Variants in SMAD2 observed in about 807,000 individuals in gnomAD.
SMAD2 encodes the protein SMAD family member 2, also known as MAD homolog 2.
A neutral mutation model predicts 64.4 loss-of-function variants in SMAD2; 8 were observed. The ratio of observed to expected loss-of-function variants is 0.12; its 90% CI spans 0.07 to 0.22. The LOEUF (loss-of-function observed/expected upper bound fraction) is 0.22. Ranked by LOEUF, SMAD2 falls within the 10% of genes least tolerant of loss-of-function variation. The probability of loss-of-function intolerance (pLI) is 1.00; values close to 1 mark genes in which losing one functional copy is unlikely to be tolerated. For missense variants in SMAD2, 289 were observed against 561.2 expected (o/e 0.51, Z 4.90); for synonymous variants, 203 against 195.8 (o/e 1.04, Z -0.31).
rs112878300 is a variant in SMAD2 at position 47,886,578 on chromosome 18, T to C, written c.236+9943A>G. On this transcript the variant is annotated intron_variant, in intron 2 of 10. Transcript: ENST00000262160. The stretch of plus-strand genomic sequence containing the variant: ...CTATATCTATATCTATCCATCTATC[T>C]ATCTATCTATCTATCTATCTATCTA... Among the ~76,000 whole-genome samples the C allele has an allele frequency of 1.6e-3, 204 of 124,074 alleles. 1 individual carries two copies. The highest frequency in any genetic ancestry group is 6.6e-3 in the African/African-American group (186 of 28,224). The allele number at this position is 124,074 out of a possible 152,430, so 81.4% of individuals were successfully genotyped here.
At chr18:47,880,857 G>A (rs576032962) in intron 2 of SMAD2, among the ~76,000 whole-genome samples, 9 of 152,298 alleles carry the variant, frequency 5.9e-5, no homozygotes, top group Admixed American at 1.3e-4. Context: ...TTATCTGGCT[G>A]TACTGTCTAC....
At chr18:47,860,859 A>C (rs990275907) in intron 6 of SMAD2, among the ~76,000 whole-genome samples, 1 of 152,268 alleles carries the variant, frequency 6.6e-6, no homozygotes, top group South Asian at 2.1e-4. Flanking sequence ...GAACATTAAG[A>C]ACAAAAAGGA....
chr18:47,837,465 G>A lies in SMAD2; in HGVS notation c.*4362C>T, dbSNP rs1471341465. 4.8e-6 allele frequency: 1 copy of A among 208,548 alleles called. No individual in the cohort carries two copies. Among genetic ancestry groups the A allele is most frequent in the Non-Finnish European group, 9.7e-6 (1 of 102,978 alleles). The allele number at this position is 208,548 out of a possible 1,614,324, so 12.9% of individuals were successfully genotyped here. A position where few individuals can be genotyped will look rare whatever the true frequency, so the allele number is the denominator to read the frequency against. ...TAGTCCCAGCTACTTGGGAGGCTGA[G>A]GCAGAAGCATGGCGTGAACCCGGGA... On this transcript the variant is annotated 3_prime_UTR_variant, in exon 11 of 11. Transcript: ENST00000262160.
At position 47,840,353 on chromosome 18, in the gene SMAD2, C is replaced by CA. The variant is rs1888717204; in HGVS notation, c.*1473dup. On this transcript the variant is annotated 3_prime_UTR_variant, in exon 11 of 11. Coordinates refer to ENST00000262160, the MANE Select transcript of SMAD2 (RefSeq NM_005901.6). Reference sequence around the variant, plus strand: ...AAGAAATGTTTAAACTGCAATGAGTCAACATCAGACATAATAATTATTTGC... The same window carrying CA: ...AAGAAATGTTTAAACTGCAATGAGTCAAACATCAGACATAATAATTATTTGC... 4.3e-6 allele frequency: 1 copy of CA among 232,734 alleles called. No homozygotes were observed. The highest frequency in any genetic ancestry group is 2.2e-5 in the African/African-American group (1 of 45,324). The allele number at this position is 232,734 out of a possible 1,614,324, so 14.4% of individuals were successfully genotyped here. A position where few individuals can be genotyped will look rare whatever the true frequency, so the allele number is the denominator to read the frequency against.
chr18:47,919,159 G>C (rs2034454396), intron 1 of SMAD2, among the ~76,000 whole-genome samples: 1 of 152,068 alleles, frequency 6.6e-6, no homozygotes, highest in African/African-American at 2.4e-5. Flanking sequence ...TGTAAACAAA[G>C]TCAAGAGAGC....
chr18:47,873,281 C>A (rs1044503318), intron 2 of SMAD2, among the ~76,000 whole-genome samples: 7 of 151,904 alleles, frequency 4.6e-5, no homozygotes, highest in Non-Finnish European at 2.9e-5. Context: ...TCAAACTATA[C>A]AAAGAAACAT....
chr18:47,865,385 T>C (rs894668943), intron 5 of SMAD2, among the ~76,000 whole-genome samples: 2 of 152,220 alleles, frequency 1.3e-5, no homozygotes, highest in African/African-American at 4.8e-5. Flanking sequence ...ATCTTGCTCA[T>C]TCCTATATGT....
At chr18:47,857,018 C>T (rs1382960412) in intron 6 of SMAD2, among the ~76,000 whole-genome samples, 5 of 151,816 alleles carry the variant, frequency 3.3e-5, no homozygotes, top group African/African-American at 7.2e-5. Context: ...CCACTACGCC[C>T]GGCTAATTTT....
Position 47,838,859 on chromosome 18 carries a change from G to A in SMAD2, c.*2968C>T, listed in dbSNP as rs1465512189. Reference sequence around the variant, plus strand: ...TCTTAGAAATGTGATAGAAAGCATGGCCATTCGGTTCTCAGGTCATCATTC... The same window carrying A: ...TCTTAGAAATGTGATAGAAAGCATGACCATTCGGTTCTCAGGTCATCATTC... On this transcript the variant is annotated 3_prime_UTR_variant, in exon 11 of 11. Coordinates refer to ENST00000262160, the MANE Select transcript of SMAD2 (RefSeq NM_005901.6). 2 of 232,766 alleles carry A rather than the reference G, an allele frequency of 8.6e-6. No individual in the cohort carries two copies. The highest frequency in any genetic ancestry group is 1.7e-5 in the Non-Finnish European group (2 of 117,812). 14.4% of individuals were successfully genotyped at this position (232,766 alleles called of 1,614,324 possible).
In SMAD2 at chr18:47,836,742, G is replaced by A. The variant is rs756783789; in HGVS notation, c.*5085C>T. 5.5e-5 allele frequency: 12 copies of A among 218,938 alleles called. No individual in the cohort carries two copies. The highest frequency in any genetic ancestry group is 6.8e-5 in the African/African-American group (3 of 44,184). 13.6% of individuals were successfully genotyped at this position (218,938 alleles called of 1,614,324 possible). On this transcript the variant is annotated 3_prime_UTR_variant, in exon 11 of 11. Coordinates refer to ENST00000262160, the MANE Select transcript of SMAD2 (RefSeq NM_005901.6). ...TACTCAAAAAATTACATGAACACAC[G>A]AGATAAGTTCTTATCGTAAATGCTA...
chr18:47,813,636 G>A lies in SMAD2; in HGVS notation c.*28191C>T, dbSNP rs1461490619. The A allele has an allele frequency of 1.3e-5, 2 of 150,318 alleles. No individual in the cohort carries two copies. Among genetic ancestry groups the A allele is most frequent in the Admixed American group, 6.7e-5 (1 of 14,960 alleles). 9.3% of individuals were successfully genotyped at this position (150,318 alleles called of 1,614,324 possible). On this transcript the variant is annotated 3_prime_UTR_variant, in exon 11 of 11. Coordinates refer to ENST00000262160, the MANE Select transcript of SMAD2 (RefSeq NM_005901.6). ...TTGGCCAGACTGGTCTCAAACTCGT[G>A]ACCTCATGATCCACCTGCCTCGGCC... is the stretch of plus-strand genomic sequence containing the variant.
intron 2 of SMAD2, among the ~76,000 whole-genome samples, chr18:47,888,191 A>G (rs879493576): frequency 1.3e-5 from 2 of 152,152 alleles, no homozygotes; most frequent in Non-Finnish European, 2.9e-5. Context: ...CTAGAGGGGA[A>G]AAAAGGGAAA....
In SMAD2 at chr18:47,819,795, CAA is replaced by C. The variant is rs764594290; in HGVS notation, c.*22030_*22031del. The stretch of plus-strand genomic sequence containing the variant: ...TGGGTGACAGAGCGAGACTCCGTCT[CAA>C]AAAAAAAAAAAAAAAAAAGAATTGG... On this transcript the variant is annotated 3_prime_UTR_variant, in exon 11 of 11. Transcript: ENST00000262160. 158 of 97,158 alleles carry C rather than the reference CAA, an allele frequency of 1.6e-3. 1 individual carries two copies. Among genetic ancestry groups the C allele is most frequent in the Middle Eastern group, 7.9e-3 (1 of 126 alleles). 6.0% of individuals were successfully genotyped at this position (97,158 alleles called of 1,614,324 possible). A position where few individuals can be genotyped will look rare whatever the true frequency, so the allele number is the denominator to read the frequency against.
At chr18:47,855,078 T>G (rs951217737) in intron 6 of SMAD2, among the ~76,000 whole-genome samples, 1 of 152,218 alleles carries the variant, frequency 6.6e-6, no homozygotes, top group Non-Finnish European at 1.5e-5. Context: ...TTCTCCAGAA[T>G]GTCATATATA....
intron 6 of SMAD2, among the ~76,000 whole-genome samples, chr18:47,853,960 C>T (rs1256437797): frequency 1.3e-5 from 2 of 152,090 alleles, no homozygotes; most frequent in Non-Finnish European, 2.9e-5. Context: ...CTATTAAATA[C>T]TTAGAAATGA....
chr18:47,854,235 T>C (rs2030443486), intron 6 of SMAD2, among the ~76,000 whole-genome samples: 1 of 152,192 alleles, frequency 6.6e-6, no homozygotes, highest in Non-Finnish European at 1.5e-5. Flanking sequence ...GAATTAGCAG[T>C]GTCTACTTAC....
intron 2 of SMAD2, among the ~76,000 whole-genome samples, chr18:47,871,859 A>C (rs1244746798): frequency 7.0e-6 from 1 of 143,222 alleles, no homozygotes; most frequent in Non-Finnish European, 1.5e-5. Context: ...ATCACAACAG[A>C]ATCACCTCAA....
chr18:47,926,467 G>GT (rs1200414374), intron 1 of SMAD2, among the ~76,000 whole-genome samples: 1 of 152,096 alleles, frequency 6.6e-6, no homozygotes, highest in Non-Finnish European at 1.5e-5. Flanking sequence ...GCTGTTATCT[G>GT]TTTTTTCTGA....
In SMAD2 at chr18:47,839,524, G is replaced by A. The variant is rs1311912406; in HGVS notation, c.*2303C>T. 6 of 233,152 alleles carry A rather than the reference G, an allele frequency of 2.6e-5. No homozygotes were observed. The highest frequency in any genetic ancestry group is 1.7e-5 in the Non-Finnish European group (2 of 118,006). The allele number at this position is 233,152 out of a possible 1,614,324, so 14.4% of individuals were successfully genotyped here. On this transcript the variant is annotated 3_prime_UTR_variant, in exon 11 of 11. Coordinates refer to ENST00000262160, the MANE Select transcript of SMAD2 (RefSeq NM_005901.6). Reference sequence around the variant, plus strand: ...GCAAGCAGCAGGGCACTAAAACAGTGAGAGCTTACACAACAAAAGCTTGTT... The same window carrying A: ...GCAAGCAGCAGGGCACTAAAACAGTAAGAGCTTACACAACAAAAGCTTGTT...
Sources: allele counts gnomAD v4.1 joint callset (sites outside exome capture counted in the v4.1 genomes callset), GRCh38; gene constraint gnomAD v4.1.1; transcripts MANE v1.5; gene names NCBI Gene and HGNC (gene_info 2026-07-23, HGNC 2026-07-21).